The following ENPP6 variants were observed in gnomAD, a reference collection of about 807,000 sequenced individuals.
ENPP6 encodes glycerophosphocholine cholinephosphodiesterase ENPP6.
A neutral mutation model predicts 42.0 loss-of-function variants in ENPP6; 32 were observed. That is an observed-to-expected ratio of 0.76 (90% CI 0.58 to 1.02). The LOEUF is 1.02. ENPP6 is among the 50% of genes least tolerant of loss of function. ENPP6 has a pLI of 0.00. For missense variants in ENPP6, 552 were observed against 566.8 expected (o/e 0.97, Z 0.27); for synonymous variants, 213 against 216.0 (o/e 0.99, Z 0.12).
chr4:184,183,684 T>C (rs1267255538), intron 1 of ENPP6, among the ~76,000 whole-genome samples: 6 of 152,246 alleles, frequency 3.9e-5, no homozygotes, highest in Non-Finnish European at 7.3e-5. Flanking sequence ...CAATCATATA[T>C]GAACTAAAGT....
chr4:184,197,572 C>T (rs948424195), intron 1 of ENPP6, among the ~76,000 whole-genome samples: 2 of 152,132 alleles, frequency 1.3e-5, no homozygotes, highest in Admixed American at 6.5e-5. Flanking sequence ...TATCTGGTTC[C>T]GGATCTGCAT....
At chr4:184,116,821 A>G (rs1178224552) in intron 5 of ENPP6, 35 bp downstream of exon 5, 2 of 1,608,690 alleles carry the variant, frequency 1.2e-6, no homozygotes, top group Admixed American at 1.7e-5. Context: ...GAGGGCCCAC[A>G]TGGCCCTCCT....
intron 1 of ENPP6, among the ~76,000 whole-genome samples, chr4:184,173,676 T>C (rs960336732): frequency 4.6e-5 from 7 of 152,234 alleles, no homozygotes; most frequent in Non-Finnish European, 7.3e-5. Context: ...GGAATCTTAC[T>C]TTCAAATTAC....
At chr4:184,203,369 C>A (rs754411764) in intron 1 of ENPP6, among the ~76,000 whole-genome samples, 156 of 152,234 alleles carry the variant, frequency 1.0e-3, no homozygotes, top group Non-Finnish European at 2.0e-3. Flanking sequence ...ACTTTCTCCA[C>A]TGGACCATGC....
chr4:184,168,493 G>A (rs1481768117), intron 1 of ENPP6, among the ~76,000 whole-genome samples: 1 of 147,346 alleles, frequency 6.8e-6, no homozygotes, highest in Non-Finnish European at 1.5e-5. Context: ...ACAGGAAGCT[G>A]GAAGCTTTGC....
At chr4:184,133,446 C>T (rs893566522) in intron 2 of ENPP6, among the ~76,000 whole-genome samples, 1 of 152,092 alleles carries the variant, frequency 6.6e-6, no homozygotes, top group Admixed American at 6.5e-5. Flanking sequence ...GATACCAATA[C>T]AATAATTTTT....
At chr4:184,113,957 T>TTCTC (rs1349253441) in intron 5 of ENPP6, among the ~76,000 whole-genome samples, 2 of 136,482 alleles carry the variant, frequency 1.5e-5, no homozygotes, top group Middle Eastern at 3.9e-3. Flanking sequence ...CTTTCTTTCT[T>TTCTC]TCTTTCTCTC....
chr4:184,153,269 G>A (rs1304649977), intron 2 of ENPP6, among the ~76,000 whole-genome samples: 4 of 151,998 alleles, frequency 2.6e-5, no homozygotes, highest in Admixed American at 1.3e-4. Context: ...TGGATTACAG[G>A]CATGCACCAC....
chr4:184,179,718 C>T lies in ENPP6; in HGVS notation c.242-25985G>A, dbSNP rs542163772. On this transcript the variant is annotated intron_variant, in intron 1 of 7. Coordinates refer to ENST00000296741, the MANE Select transcript of ENPP6 (RefSeq NM_153343.4). ...AATTAGAACTCAATATTAAGAAACTCGCTCAAAACCACACAACTATATGGA... is the reference window on the plus strand; with the variant it reads ...AATTAGAACTCAATATTAAGAAACTTGCTCAAAACCACACAACTATATGGA... Among the ~76,000 whole-genome samples the T allele has an allele frequency of 5.9e-4, 90 of 152,290 alleles. 1 individual carries two copies. In the Middle Eastern group the frequency reaches 0.01, roughly 17 times the overall value.
chr4:184,110,547 C>G (rs376418252), intron 6 of ENPP6, among the ~76,000 whole-genome samples: 6 of 152,284 alleles, frequency 3.9e-5, no homozygotes, highest in African/African-American at 1.2e-4. Flanking sequence ...GGCCCTGGCT[C>G]TGGTATGTAT....
rs1385639416 is a variant in ENPP6 at position 184,090,063 on chromosome 4, CTCTCCAT to C, written c.*1107_*1113del. On this transcript the variant is annotated 3_prime_UTR_variant, in exon 8 of 8. Coordinates refer to ENST00000296741, the MANE Select transcript of ENPP6 (RefSeq NM_153343.4). ...GACTGGGACTCTGCTCCATCATGCT[CTCTCCAT>C]TCTCCACCCAGCACCATTTTCTTTG... 3.9e-5 allele frequency: 6 copies of C among 152,204 alleles called. No individual in the cohort carries two copies. The highest frequency in any genetic ancestry group is 1.4e-4 in the African/African-American group (6 of 41,434). The allele number at this position is 152,204 out of a possible 1,614,324, so 9.4% of individuals were successfully genotyped here. A position where few individuals can be genotyped will look rare whatever the true frequency, so the allele number is the denominator to read the frequency against.
chr4:184,205,313 A>C (rs1732976671), intron 1 of ENPP6, among the ~76,000 whole-genome samples: 1 of 152,210 alleles, frequency 6.6e-6, no homozygotes, highest in Non-Finnish European at 1.5e-5. Context: ...TAAGAGGGAG[A>C]GAGAGCGCTG....
chr4:184,115,030 G>A (rs777968188), intron 5 of ENPP6, among the ~76,000 whole-genome samples: 4 of 151,664 alleles, frequency 2.6e-5, no homozygotes. Flanking sequence ...AGTAGGCTCC[G>A]TGAGTTATGA....
Position 184,090,656 on chromosome 4 carries a change from G to T in ENPP6, c.*521C>A. 1 of 212,954 alleles carries T rather than the reference G, an allele frequency of 4.7e-6. No individual in the cohort carries two copies. The highest frequency in any genetic ancestry group is 9.9e-5 in the East Asian group (1 of 10,086). 13.2% of individuals were successfully genotyped at this position (212,954 alleles called of 1,614,324 possible). A position where few individuals can be genotyped will look rare whatever the true frequency, so the allele number is the denominator to read the frequency against. ...TAAGATGAAAAAATTCCATGAGCTG[G>T]GTCAGAAATAGACAGTAGCTTTTGC... On this transcript the variant is annotated 3_prime_UTR_variant, in exon 8 of 8. Coordinates refer to ENST00000296741, the MANE Select transcript of ENPP6 (RefSeq NM_153343.4).
chr4:184,204,538 T>C (rs1010417251), intron 1 of ENPP6, among the ~76,000 whole-genome samples: 2 of 152,104 alleles, frequency 1.3e-5, no homozygotes, highest in Non-Finnish European at 2.9e-5. Context: ...GGCTCCACTT[T>C]CTCGACTTCA....
chr4:184,170,052 A>G (rs1737436295), intron 1 of ENPP6, among the ~76,000 whole-genome samples: 1 of 152,244 alleles, frequency 6.6e-6, no homozygotes, highest in Admixed American at 6.5e-5. Flanking sequence ...AATGAATATA[A>G]CTATTTAATA....
At chr4:184,134,322 GTTA>G (rs1736693905) in intron 2 of ENPP6, among the ~76,000 whole-genome samples, 1 of 151,998 alleles carries the variant, frequency 6.6e-6, no homozygotes, top group Non-Finnish European at 1.5e-5. Context: ...CTGTAAGATT[GTTA>G]TTATTTTTTC....
chr4:184,192,445 T>C (rs1314478044), intron 1 of ENPP6, among the ~76,000 whole-genome samples: 3 of 152,174 alleles, frequency 2.0e-5, no homozygotes, highest in Non-Finnish European at 4.4e-5. Flanking sequence ...AAACATTAAT[T>C]CAAAAGGGGT....
In ENPP6 at chr4:184,165,151, G is replaced by T. The variant is rs1217250859; in HGVS notation, c.242-11418C>A. On this transcript the variant is annotated intron_variant, in intron 1 of 7. Coordinates refer to ENST00000296741, the MANE Select transcript of ENPP6 (RefSeq NM_153343.4). ...GGAGGGGTGAAGCTCATAACCTAGG[G>T]CCAAAGGCAGAAATCGATTTTCTGG... Among the ~76,000 whole-genome samples the T allele has an allele frequency of 2.0e-5, 3 of 152,272 alleles. No individual in the cohort carries two copies. In the East Asian group the frequency reaches 5.8e-4, roughly 29 times the overall value.
Sources: gnomAD v4.1 joint callset for allele counts (sites outside exome capture counted in the v4.1 genomes callset) on GRCh38, gnomAD v4.1.1 for gene constraint, MANE v1.5 for transcripts, NCBI Gene and HGNC (gene_info 2026-07-23, HGNC 2026-07-21) for gene names.